The following DOK6 variants were observed in gnomAD, a reference collection of about 807,000 sequenced individuals.
DOK6 encodes the protein docking protein 6.
In DOK6, 22 loss-of-function variants were observed where a neutral mutation model predicts 44.0. The observed-to-expected ratio is 0.50, with a 90% CI of 0.36 to 0.71. The LOEUF (loss-of-function observed/expected upper bound fraction) is 0.71. Among genes scored for constraint, DOK6 ranks in the 30% least tolerant of loss-of-function variants. The pLI is 0.00. For missense variants in DOK6, 340 were observed against 416.4 expected (o/e 0.82, Z 1.60); for synonymous variants, 166 against 145.5 (o/e 1.14, Z -1.01).
At chr18:69,585,616 ATG>A (rs1440197525) in intron 2 of DOK6, among the ~76,000 whole-genome samples, 4 of 152,220 alleles carry the variant, frequency 2.6e-5, no homozygotes, top group Admixed American at 6.5e-5. Context: ...ATTAAATATA[ATG>A]TGTCTTTTTT....
In DOK6 at chr18:69,845,452, T is replaced by C. The variant is rs1473338542; in HGVS notation, c.*4069T>C. The C allele has an allele frequency of 6.6e-6, 1 of 152,138 alleles. No homozygotes were observed. Among genetic ancestry groups the C allele is most frequent in the East Asian group, 1.9e-4 (1 of 5,198 alleles). The allele number at this position is 152,138 out of a possible 1,614,324, so 9.4% of individuals were successfully genotyped here. On this transcript the variant is annotated 3_prime_UTR_variant, in exon 8 of 8. Transcript: ENST00000382713. Reference sequence around the variant, plus strand: ...CAGCCTTCTCAAAATCGATAAAAATTTGCCACTGAATATGCATTAATAGCT... The same window carrying C: ...CAGCCTTCTCAAAATCGATAAAAATCTGCCACTGAATATGCATTAATAGCT...
chr18:69,667,102 T>A (rs1393943358), intron 3 of DOK6, among the ~76,000 whole-genome samples: 2 of 152,180 alleles, frequency 1.3e-5, no homozygotes, highest in African/African-American at 2.4e-5. Flanking sequence ...TCTGTCCATG[T>A]CAGCTACATG....
At chr18:69,771,937 T>A (rs1979897350) in intron 7 of DOK6, among the ~76,000 whole-genome samples, 1 of 145,356 alleles carries the variant, frequency 6.9e-6, no homozygotes, top group African/African-American at 2.6e-5. Context: ...CACTTAGGAA[T>A]AAATTTAAGG....
At chr18:69,440,299 T>A (rs1191365298) in intron 1 of DOK6, among the ~76,000 whole-genome samples, 3 of 152,112 alleles carry the variant, frequency 2.0e-5, no homozygotes, top group Non-Finnish European at 4.4e-5. Context: ...AATAATGAAA[T>A]GGTTTAAAAT....
intron 6 of DOK6, among the ~76,000 whole-genome samples, chr18:69,749,088 G>A (rs958065473): frequency 3.9e-5 from 6 of 151,946 alleles, no homozygotes; most frequent in Admixed American, 3.3e-4. Context: ...CCTCACTTGC[G>A]AGTGGGAACT....
At chr18:69,676,791 T>C (rs1048021596) in intron 3 of DOK6, among the ~76,000 whole-genome samples, 7 of 152,230 alleles carry the variant, frequency 4.6e-5, no homozygotes, top group African/African-American at 1.7e-4. Flanking sequence ...GAGGCACAGA[T>C]ATGATCCTAA....
chr18:69,503,441 G>A (rs1302632351), intron 1 of DOK6, among the ~76,000 whole-genome samples: 1 of 152,038 alleles, frequency 6.6e-6, no homozygotes, highest in Non-Finnish European at 1.5e-5. Flanking sequence ...AAATAAGAAA[G>A]TGCAGAAAAC....
At chr18:69,665,237 C>G (rs1985626389) in intron 3 of DOK6, among the ~76,000 whole-genome samples, 1 of 152,088 alleles carries the variant, frequency 6.6e-6, no homozygotes, top group African/African-American at 2.4e-5. Flanking sequence ...AACTCAATGT[C>G]TCATCCAGTC....
At chr18:69,517,345 C>T (rs1447985496) in intron 1 of DOK6, among the ~76,000 whole-genome samples, 2 of 152,100 alleles carry the variant, frequency 1.3e-5, no homozygotes, top group Non-Finnish European at 1.5e-5. Flanking sequence ...CATTGTTTTG[C>T]TTATGTAATT....
chr18:69,724,477 G>C (rs1364173070), intron 5 of DOK6, among the ~76,000 whole-genome samples: 1 of 152,094 alleles, frequency 6.6e-6, no homozygotes, highest in Non-Finnish European at 1.5e-5. Context: ...TGCAGCCAAG[G>C]GCTTTGACCA....
chr18:69,820,354 C>T (rs1160887326), intron 7 of DOK6, among the ~76,000 whole-genome samples: 1 of 152,086 alleles, frequency 6.6e-6, no homozygotes, highest in East Asian at 1.9e-4. Context: ...TGTAAAATAG[C>T]AAGTGTCAGA....
chr18:69,416,779 G>C (rs183880350), intron 1 of DOK6, among the ~76,000 whole-genome samples: 1 of 152,180 alleles, frequency 6.6e-6, no homozygotes, highest in Admixed American at 6.5e-5. Context: ...CAAATCCAAG[G>C]GACTGCATTT....
intron 2 of DOK6, among the ~76,000 whole-genome samples, chr18:69,582,073 CT>C (rs368329213): frequency 8.5e-5 from 13 of 152,246 alleles, no homozygotes; most frequent in Admixed American, 3.9e-4. Context: ...TCAGAGGAAA[CT>C]TTTTTTAATG....
intron 3 of DOK6, among the ~76,000 whole-genome samples, chr18:69,602,712 A>G (rs12455307): frequency 0.34 from 52,250 of 152,046 alleles, 10,985 homozygotes; most frequent in Non-Finnish European, 0.47. Flanking sequence ...TCAATCTAAA[A>G]CTATACCAAA....
chr18:69,840,399 A>AG (rs1010249806), intron 7 of DOK6, among the ~76,000 whole-genome samples: 1 of 152,232 alleles, frequency 6.6e-6, no homozygotes, highest in Non-Finnish European at 1.5e-5. Flanking sequence ...AAAAAGGATG[A>AG]GGGGGAAAAA....
In DOK6 at chr18:69,678,705, G is replaced by T. The variant is rs184622121; in HGVS notation, c.409+852G>T. Among the ~76,000 whole-genome samples, 280 of 152,216 alleles carry T rather than the reference G, an allele frequency of 1.8e-3. 3 individuals carry two copies. The highest frequency in any genetic ancestry group is 6.6e-3 in the African/African-American group (275 of 41,532). ...CTAGCAACTCTAAATAACAGAATTG[G>T]AGTAATATTATTCAGCCTGTCAATA... On this transcript the variant is annotated intron_variant, in intron 4 of 7. Coordinates refer to ENST00000382713, the MANE Select transcript of DOK6 (RefSeq NM_152721.6).
At chr18:69,654,943 A>G (rs1207330748) in intron 3 of DOK6, among the ~76,000 whole-genome samples, 1 of 152,186 alleles carries the variant, frequency 6.6e-6, no homozygotes. Context: ...CTGTAGTCTC[A>G]GCTACTCTGG....
chr18:69,548,504 A>G (rs536725476), intron 1 of DOK6, among the ~76,000 whole-genome samples: 1 of 151,740 alleles, frequency 6.6e-6, no homozygotes, highest in East Asian at 1.9e-4. Context: ...ACAATTTTGT[A>G]CAAAGGACGG....
At chr18:69,811,564 ATATATATATATATC>A (rs1166716873) in intron 7 of DOK6, among the ~76,000 whole-genome samples, 35 of 15,162 alleles carry the variant, frequency 2.3e-3, no homozygotes, top group South Asian at 6.0e-3. Flanking sequence ...ATATATATAT[ATATATATATATATC>A]AAAACACTAC....
Sources: gnomAD v4.1 joint callset for allele counts (sites outside exome capture counted in the v4.1 genomes callset) on GRCh38, gnomAD v4.1.1 for gene constraint, MANE v1.5 for transcripts, NCBI Gene and HGNC (gene_info 2026-07-23, HGNC 2026-07-21) for gene names.